The following VIRMA variants were observed in gnomAD, a reference collection of about 807,000 sequenced individuals.
VIRMA encodes the protein protein virilizer homolog.
In VIRMA, 65 loss-of-function variants were observed where a neutral mutation model predicts 182.4. The observed-to-expected ratio is 0.36, with a 90% CI of 0.29 to 0.44. The LOEUF is 0.44. Among genes scored for constraint, VIRMA ranks in the 20% least tolerant of loss-of-function variants. VIRMA has a pLI of 1.00. For missense variants in VIRMA, 1,752 were observed against 2,158.1 expected, an observed-to-expected ratio of 0.81 and a Z score of 3.73; for synonymous variants, 709 against 743.1, an observed-to-expected ratio of 0.95 and a Z score of 0.75.
intron 11 of VIRMA, among the ~76,000 whole-genome samples, chr8:94,514,593 A>T (rs1380184764): frequency 6.6e-6 from 1 of 152,258 alleles, no homozygotes; most frequent in Non-Finnish European, 1.5e-5. Flanking sequence ...TCAAGATGGT[A>T]GGTGATACTA....
Position 94,511,329 on chromosome 8 carries a change from T to G in VIRMA, c.3246A>C (p.Ser1082=). 2 of 1,613,494 alleles carry G rather than the reference T, an allele frequency of 1.2e-6. No individual in the cohort carries two copies. The highest frequency in any genetic ancestry group is 1.7e-4 in the Middle Eastern group (1 of 6,060). The change falls in exon 13 of 24, where the codon TCA becomes TCC. Residue 1082 remains serine, a synonymous_variant. Coordinates refer to ENST00000297591, the MANE Select transcript of VIRMA (RefSeq NM_015496.5). ...AAGTATTATTGGCCAGAGTCTCTTC[T>G]GAGATTGTGAGTTTTTCATTAACTC... ...TQGVNEKLTI[S]EETLANNTWS...
At chr8:94,518,036 C>G in intron 9 of VIRMA, 94 bp from the exon 10 acceptor site, 1 of 839,274 alleles carries the variant, frequency 1.2e-6, no homozygotes, top group Non-Finnish European at 1.8e-6. Flanking sequence ...TTAAAGAGAT[C>G]AAGGACATTT....
intron 2 of VIRMA, among the ~76,000 whole-genome samples, chr8:94,542,322 A>G (rs1815582916): frequency 6.6e-6 from 1 of 152,212 alleles, no homozygotes; most frequent in Non-Finnish European, 1.5e-5. Flanking sequence ...GACACGAACA[A>G]GCCCATGGAG....
chr8:94,538,421 G>T, intron 2 of VIRMA, 75 bp from the exon 3 acceptor site: 1 of 892,066 alleles, frequency 1.1e-6, no homozygotes, highest in Non-Finnish European at 1.8e-6. Context: ...AACATAGTAA[G>T]TACAAAGTTA....
Position 94,526,978 on chromosome 8 carries a change from GTTT to G in VIRMA, c.1263_1265del (p.Lys421del). The G allele has an allele frequency of 4.3e-6, 7 of 1,614,164 alleles. No individual in the cohort carries two copies. The highest frequency in any genetic ancestry group is 5.9e-6 in the Non-Finnish European group (7 of 1,180,016). On this transcript the variant is annotated inframe_deletion, in exon 8 of 24. Transcript: ENST00000297591. ...ACTGGCCAAGGGAGTCTTGTTTTGT[GTTT>G]TTCAATTGCAAATAGCTTAACCCTT... is the stretch of plus-strand genomic sequence containing the variant.
chr8:94,523,997 A>C (rs1197300684), intron 8 of VIRMA, among the ~76,000 whole-genome samples: 6 of 117,422 alleles, frequency 5.1e-5, no homozygotes. Flanking sequence ...TGTTTTTGTT[A>C]CTTGTTTATT....
chr8:94,492,492 G>A (rs1219156548), intron 21 of VIRMA, among the ~76,000 whole-genome samples, 160 bp downstream of exon 21: 2 of 151,686 alleles, frequency 1.3e-5, no homozygotes, highest in Non-Finnish European at 2.9e-5. Context: ...GTTTCAACAT[G>A]TTAGCCAGAA....
chr8:94,510,199 A>G (rs75510119), intron 14 of VIRMA, among the ~76,000 whole-genome samples: 4,865 of 152,280 alleles, frequency 0.032, 106 homozygotes, highest in Non-Finnish European at 0.048. Flanking sequence ...AAGACCTTCA[A>G]GATATCTTGC....
At chr8:94,546,591 G>T (rs1815774678) in intron 1 of VIRMA, among the ~76,000 whole-genome samples, 1 of 150,420 alleles carries the variant, frequency 6.6e-6, no homozygotes. Context: ...AATAGTTTTT[G>T]GGATACAAGT....
chr8:94,523,936 G>A (rs566810614), intron 8 of VIRMA, among the ~76,000 whole-genome samples: 2 of 150,960 alleles, frequency 1.3e-5, no homozygotes, highest in East Asian at 3.9e-4. Flanking sequence ...GGGTTTACGG[G>A]CACATTCCAC....
At chr8:94,551,861 G>A (rs1222702556) in intron 1 of VIRMA, among the ~76,000 whole-genome samples, 3 of 152,060 alleles carry the variant, frequency 2.0e-5, no homozygotes, top group Admixed American at 2.0e-4. Flanking sequence ...AGTAGCTGGG[G>A]CAACAAGATC....
chr8:94,510,388 A>G lies in VIRMA; in HGVS notation c.3626+29T>C, dbSNP rs769517791. 3.8e-6 allele frequency: 6 copies of G among 1,572,770 alleles called. No homozygotes were observed. The African/African-American group carries it at 8.2e-5, about 21-fold the overall frequency. On this transcript the variant is annotated intron_variant, in intron 14 of 23. Transcript: ENST00000297591. ...TATATGTGTCAAAAATAATTTGAGG[A>G]AAAAATTTTTAATGCAAAATGAAAA... is the stretch of plus-strand genomic sequence containing the variant.
intron 15 of VIRMA, among the ~76,000 whole-genome samples, 176 bp from the exon 16 acceptor site, chr8:94,506,893 TA>T (rs1234933709): frequency 6.6e-6 from 1 of 152,200 alleles, no homozygotes; most frequent in Non-Finnish European, 1.5e-5. Flanking sequence ...TTTTCCCTTT[TA>T]AAAAAGTTAA....
chr8:94,506,441 A>G (rs1203311514), intron 16 of VIRMA, 59 bp downstream of exon 16: 1 of 1,061,474 alleles, frequency 9.4e-7, no homozygotes, highest in Non-Finnish European at 1.4e-6. Flanking sequence ...GGGGTGAAGG[A>G]GCAGTGACAG....
intron 17 of VIRMA, 92 bp from the exon 18 acceptor site, chr8:94,496,572 A>C (rs1813785803): frequency 2.0e-6 from 2 of 1,005,634 alleles, no homozygotes; most frequent in Non-Finnish European, 2.9e-6. Context: ...CATATGCTGC[A>C]ATCTTTCCTT....
chr8:94,536,707 C>A (rs1222397175), intron 4 of VIRMA, among the ~76,000 whole-genome samples: 1 of 152,102 alleles, frequency 6.6e-6, no homozygotes, highest in African/African-American at 2.4e-5. Flanking sequence ...GAGCTGGGCG[C>A]GGTGGCTCAC....
At chr8:94,507,835 T>A (rs1189529342) in intron 15 of VIRMA, among the ~76,000 whole-genome samples, 2 of 151,396 alleles carry the variant, frequency 1.3e-5, no homozygotes, top group Non-Finnish European at 2.9e-5. Context: ...GATGAACATT[T>A]AAACACAGTC....
At chr8:94,507,915 G>A (rs1048283157) in intron 15 of VIRMA, among the ~76,000 whole-genome samples, 5 of 76,430 alleles carry the variant, frequency 6.5e-5, no homozygotes, top group East Asian at 3.8e-4. Context: ...ATATATGTAT[G>A]TGTATATATG....
Position 94,543,899 on chromosome 8 carries a change from T to A in VIRMA, c.107A>T (p.Tyr36Phe). The A allele has an allele frequency of 6.2e-7, 1 of 1,610,326 alleles. No individual in the cohort carries two copies. The highest frequency in any genetic ancestry group is 8.5e-7 in the Non-Finnish European group (1 of 1,178,082). ...IDVVRFPCVV[Y>F]INEVRVIPPG... ...GGGTATGACTCGGACTTCATTGATA[T>A]AAACCACACATGGAAAACGAACCAC... Residue 36 changes from tyrosine (Y) to phenylalanine (F), a missense_variant, in exon 2 of 24, where the codon TAT (tyrosine) becomes TTT (phenylalanine). Tyr to Phe is a conservative substitution (Grantham distance 22). Around this residue, in one of 11 missense-constraint regions of VIRMA, gnomAD observed 195 missense variants for 191.7 expected, o/e 1.02. Coordinates refer to ENST00000297591, the MANE Select transcript of VIRMA (RefSeq NM_015496.5).
Sources: gnomAD v4.1 joint callset for allele counts (sites outside exome capture counted in the v4.1 genomes callset) on GRCh38, gnomAD v4.1.1 for gene constraint, gnomAD v4.1.1 regional missense constraint, MANE v1.5 for transcripts, NCBI Gene and HGNC (gene_info 2026-07-23, HGNC 2026-07-21) for gene names.